The following SLC25A26 variants were observed in gnomAD, a reference collection of about 807,000 sequenced individuals.
The protein encoded by SLC25A26 is mitochondrial S-adenosylmethionine carrier protein.
In SLC25A26, 36 loss-of-function variants were observed where a neutral mutation model predicts 37.8. That is an observed-to-expected ratio of 0.95 (90% CI 0.73 to 1.26). The LOEUF is 1.26. Ranked by LOEUF, SLC25A26 falls within the 50% of genes most tolerant of loss-of-function variation. The pLI, the probability that SLC25A26 is intolerant of heterozygous loss-of-function variation, is 0.00. For missense variants in SLC25A26, 390 were observed against 331.1 expected (o/e 1.18, Z -1.38); for synonymous variants, 129 against 122.5 (o/e 1.05, Z -0.35).
At chr3:66,340,054 G>C (rs926486214) in intron 5 of SLC25A26, among the ~76,000 whole-genome samples, 1 of 151,930 alleles carries the variant, frequency 6.6e-6, no homozygotes, top group Admixed American at 6.6e-5. Context: ...AAGGGTCCAG[G>C]CTCATTCTTT....
At chr3:66,260,533 T>G (rs2073484690) in intron 3 of SLC25A26, among the ~76,000 whole-genome samples, 1 of 152,250 alleles carries the variant, frequency 6.6e-6, no homozygotes, top group Non-Finnish European at 1.5e-5. Context: ...TACCCTTTGT[T>G]GTAATGCATC....
intron 5 of SLC25A26, among the ~76,000 whole-genome samples, chr3:66,297,195 G>T (rs543064572): frequency 1.3e-5 from 2 of 152,170 alleles, no homozygotes; most frequent in East Asian, 1.9e-4. Context: ...GGGCATGGTT[G>T]TGGGTGCCTG....
chr3:66,375,086 C>G lies in SLC25A26; in HGVS notation c.708-2604C>G, dbSNP rs114168360. Among the ~76,000 whole-genome samples, 779 of 152,224 alleles carry G rather than the reference C, an allele frequency of 5.1e-3. 12 individuals carry two copies. The highest frequency in any genetic ancestry group is 0.014 in the African/African-American group (572 of 41,522). On this transcript the variant is annotated intron_variant, in intron 9 of 9. Coordinates refer to ENST00000354883, the MANE Select transcript of SLC25A26 (RefSeq NM_001379210.1). ...AAGTGTAACAGCCTCATTGCACATA[C>G]GAAGAAAGTTTGGTCTGGATAGAAG...
At chr3:66,340,511 A>G (rs1040998364) in intron 5 of SLC25A26, among the ~76,000 whole-genome samples, 2 of 151,932 alleles carry the variant, frequency 1.3e-5, no homozygotes, top group East Asian at 3.9e-4. Context: ...CCGTTCTCAC[A>G]CGTTTTCTTT....
intron 1 of SLC25A26, among the ~76,000 whole-genome samples, chr3:66,204,136 C>T (rs1405324960): frequency 1.3e-5 from 2 of 152,166 alleles, no homozygotes; most frequent in African/African-American, 4.8e-5. Flanking sequence ...ATGAAAATCA[C>T]GAGAATGGGC....
intron 2 of SLC25A26, among the ~76,000 whole-genome samples, chr3:66,241,493 A>G (rs2072582259): frequency 6.6e-6 from 1 of 152,238 alleles, no homozygotes; most frequent in African/African-American, 2.4e-5. Context: ...CGTAGGTTAC[A>G]TAGTGATGTC....
intron 5 of SLC25A26, among the ~76,000 whole-genome samples, chr3:66,286,727 T>A (rs2074525101): frequency 6.6e-6 from 1 of 152,186 alleles, no homozygotes; most frequent in Non-Finnish European, 1.5e-5. Flanking sequence ...CCACCAAGGC[T>A]GGGGTGCAGT....
chr3:66,268,375 A>G (rs1417703077), intron 5 of SLC25A26, among the ~76,000 whole-genome samples: 1 of 152,222 alleles, frequency 6.6e-6, no homozygotes, highest in Non-Finnish European at 1.5e-5. Context: ...ACAATGTAGG[A>G]GCCTTCTGTT....
At chr3:66,327,776 A>G (rs1252814056) in intron 5 of SLC25A26, among the ~76,000 whole-genome samples, 1 of 152,110 alleles carries the variant, frequency 6.6e-6, no homozygotes, top group Non-Finnish European at 1.5e-5. Flanking sequence ...GTAATTTTTT[A>G]TGTACTTCCT....
chr3:66,161,583 G>A lies in SLC25A26; in HGVS notation c.-354+27599G>A, dbSNP rs1204135027. ...TCATGAGGTGTAGATACTTCTATTC[G>A]AAGTTAGCGAGTTCAGGTAAACTAG... is the stretch of plus-strand genomic sequence containing the variant. On this transcript the variant is annotated intron_variant, in intron 1 of 10. Transcript: ENST00000676754. 2.6e-5 allele frequency among the ~76,000 whole-genome samples: 4 copies of A among 152,244 alleles called. No homozygotes were observed. The East Asian group carries it at 5.8e-4, about 22-fold the overall frequency.
At chr3:66,347,596 C>A (rs2076355499) in intron 6 of SLC25A26, among the ~76,000 whole-genome samples, 1 of 152,182 alleles carries the variant, frequency 6.6e-6, no homozygotes, top group Admixed American at 6.5e-5. Flanking sequence ...ACCAGAAATA[C>A]CATTTGACCC....
chr3:66,246,447 T>C (rs1217852589), intron 3 of SLC25A26, among the ~76,000 whole-genome samples: 2 of 152,320 alleles, frequency 1.3e-5, no homozygotes, highest in East Asian at 3.9e-4. Flanking sequence ...ATCTTTTTAT[T>C]TGTAGAAAGT....
intron 5 of SLC25A26, among the ~76,000 whole-genome samples, chr3:66,287,677 T>A (rs1223817010): frequency 2.0e-5 from 3 of 152,246 alleles, no homozygotes; most frequent in Non-Finnish European, 4.4e-5. Flanking sequence ...TGCTGTGTAT[T>A]TTGTTTTATC....
chr3:66,202,006 G>GA (rs1217692528), intron 1 of SLC25A26, among the ~76,000 whole-genome samples: 1 of 151,802 alleles, frequency 6.6e-6, no homozygotes, highest in Non-Finnish European at 1.5e-5. Context: ...ATTTAAGAAA[G>GA]AAAAAAATGA....
At position 66,355,122 on chromosome 3, in the gene SLC25A26, T is replaced by C. The variant is rs145652656; in HGVS notation, c.499-7738T>C. Among the ~76,000 whole-genome samples, 8 of 152,178 alleles carry C rather than the reference T, an allele frequency of 5.3e-5. No individual in the cohort carries two copies. The East Asian group carries it at 1.2e-3, about 22-fold the overall frequency. On this transcript the variant is annotated intron_variant, in intron 6 of 9. Transcript: ENST00000354883. Reference sequence around the variant, plus strand: ...TCTAGCCCAGTCAGTTCCAAAAATATCACTGTATAAACTCTAAAACCTAAA... The same window carrying C: ...TCTAGCCCAGTCAGTTCCAAAAATACCACTGTATAAACTCTAAAACCTAAA...
At chr3:66,377,669 A>G (rs1440437329) in intron 9 of SLC25A26, 21 bp from the exon 10 acceptor site, 1 of 1,590,284 alleles carries the variant, frequency 6.3e-7, no homozygotes, top group African/African-American at 1.3e-5. Context: ...ACAACATTAA[A>G]AATCCTGTTT....
intron 5 of SLC25A26, among the ~76,000 whole-genome samples, chr3:66,340,486 C>T (rs1178489770): frequency 6.6e-6 from 1 of 152,004 alleles, no homozygotes; most frequent in Non-Finnish European, 1.5e-5. Flanking sequence ...AAATTTCCTC[C>T]TATCCACGGA....
At chr3:66,363,458 C>T (rs923783771) in intron 7 of SLC25A26, among the ~76,000 whole-genome samples, 4 of 152,202 alleles carry the variant, frequency 2.6e-5, no homozygotes, top group Admixed American at 2.6e-4. Context: ...TGGGCATTTT[C>T]GAGACATTAA....
At chr3:66,363,078 A>G (rs1205109911) in intron 7 of SLC25A26, 149 bp downstream of exon 7, 9 of 370,434 alleles carry the variant, frequency 2.4e-5, no homozygotes, top group Non-Finnish European at 3.3e-5. Flanking sequence ...CGTGTCTTAG[A>G]GGGGAAAAAA....
Sources: gnomAD v4.1 joint callset for allele counts (sites outside exome capture counted in the v4.1 genomes callset) on GRCh38, gnomAD v4.1.1 for gene constraint, MANE v1.5 for transcripts, NCBI Gene and HGNC (gene_info 2026-07-23, HGNC 2026-07-21) for gene names.